Variants in ZNF577 observed in about 807,000 individuals in gnomAD.
The protein encoded by ZNF577 is zinc finger protein 577.
Under a neutral mutation model 13.9 loss-of-function variants are expected in ZNF577, and 14 were observed. The ratio of observed to expected loss-of-function variants is 1.00; its 90% confidence interval spans 0.66 to 1.57. The LOEUF (loss-of-function observed/expected upper bound fraction) is 1.57, where lower values mean the gene tolerates loss of function less well. Among genes scored for constraint, ZNF577 ranks in the 40% most tolerant of loss-of-function variants. ZNF577 has a pLI of 0.00. For synonymous variants in ZNF577, 203 were observed against 202.9 expected (o/e 1.00, Z 0.00); for missense variants, 555 against 579.2 (o/e 0.96, Z 0.43).
At chr19:51,820,977 T>G (rs1315286502) in intron 9 of ZNF577, among the ~76,000 whole-genome samples, 2 of 152,206 alleles carry the variant, frequency 1.3e-5, no homozygotes, top group Non-Finnish European at 2.9e-5. Flanking sequence ...TGTTCATAAG[T>G]AGTAGCCACT....
At chr19:51,839,326 T>C (rs2084306386) in intron 9 of ZNF577, among the ~76,000 whole-genome samples, 1 of 152,132 alleles carries the variant, frequency 6.6e-6, no homozygotes, top group Admixed American at 6.5e-5. Context: ...CCCAGGAGGT[T>C]GAGGCTGCAG....
At chr19:51,809,611 T>C (rs1396508449) in intron 10 of ZNF577, among the ~76,000 whole-genome samples, 1 of 152,248 alleles carries the variant, frequency 6.6e-6, no homozygotes, top group African/African-American at 2.4e-5. Flanking sequence ...TTAAAACTAC[T>C]TGAATTTCTC....
rs1255467228 is a variant in ZNF577 at position 51,887,931 on chromosome 19, G to A, written c.-1329C>T. 1.3e-5 allele frequency: 2 copies of A among 152,248 alleles called. No individual in the cohort carries two copies. 9.4% of individuals were successfully genotyped at this position (152,248 alleles called of 1,614,324 possible). On this transcript the variant is annotated 5_prime_UTR_variant, in exon 1 of 6. Coordinates refer to ENST00000638348, the MANE Select transcript of ZNF577 (RefSeq NM_001370449.1). The stretch of plus-strand genomic sequence containing the variant: ...CGCCCCGCGAACCCCACACACTGCA[G>A]ACGCGACACTCGCAAGTTTCGGGGA...
chr19:51,837,249 C>T (rs1446906646), intron 9 of ZNF577, among the ~76,000 whole-genome samples: 1 of 126,828 alleles, frequency 7.9e-6, no homozygotes, highest in African/African-American at 3.0e-5. Context: ...TTGCTATCAC[C>T]TATGTTGATG....
At chr19:51,805,576 G>A (rs1956538161) in intron 10 of ZNF577, among the ~76,000 whole-genome samples, 1 of 152,162 alleles carries the variant, frequency 6.6e-6, no homozygotes, top group Non-Finnish European at 1.5e-5. Flanking sequence ...CAGCGCAATT[G>A]CCGCTGCAAC....
chr19:51,837,035 C>T (rs1251005619), intron 9 of ZNF577, among the ~76,000 whole-genome samples: 4 of 132,834 alleles, frequency 3.0e-5, no homozygotes, highest in African/African-American at 1.2e-4. Flanking sequence ...CAGAGTGAGA[C>T]TCTGTCTCAA....
downstream of ZNF577, among the ~76,000 whole-genome samples, chr19:51,866,690 A>G (rs1450839281): frequency 6.6e-6 from 1 of 152,206 alleles, no homozygotes; most frequent in African/African-American, 2.4e-5. Context: ...CACCAGAAAC[A>G]TCAGAAACAG....
exon 8 of ZNF577, chr19:51,842,869 C>T (rs573138873): frequency 1.6e-4 from 25 of 152,370 alleles, no homozygotes; most frequent in Admixed American, 2.6e-4. Context: ...CCTTGTTCTT[C>T]TTTCCCCAAC....
intron 5 of ZNF577, among the ~76,000 whole-genome samples, chr19:51,857,979 C>G (rs1479202053): frequency 6.6e-6 from 1 of 152,052 alleles, no homozygotes; most frequent in African/African-American, 2.4e-5. Flanking sequence ...TTGTGTCTGG[C>G]CTGCTTTTAG....
At chr19:51,883,317 G>T (rs1599879119) in intron 1 of ZNF577, among the ~76,000 whole-genome samples, 1 of 151,472 alleles carries the variant, frequency 6.6e-6, no homozygotes, top group Non-Finnish European at 1.5e-5. Flanking sequence ...TAGAGACAAG[G>T]TCTCGCTATG....
downstream of ZNF577, among the ~76,000 whole-genome samples, chr19:51,804,592 C>A (rs1322384526): frequency 6.6e-6 from 1 of 152,046 alleles, no homozygotes; most frequent in African/African-American, 2.4e-5. Flanking sequence ...TGTGCCTTTA[C>A]AACATAGGTA....
At chr19:51,841,855 A>G (rs896944699) in intron 8 of ZNF577, among the ~76,000 whole-genome samples, 2 of 152,214 alleles carry the variant, frequency 1.3e-5, no homozygotes, top group African/African-American at 4.8e-5. Flanking sequence ...TCTGATGCCA[A>G]TCATAAGCTT....
At chr19:51,877,250 T>C (rs1466020085) in intron 5 of ZNF577, 32 bp downstream of exon 5, 1 of 1,583,024 alleles carries the variant, frequency 6.3e-7, no homozygotes, top group Admixed American at 1.7e-5. Context: ...GCATGCCATT[T>C]CTCCCCATTT....
At chr19:51,875,384 AGAG>A (rs1242566233) in intron 5 of ZNF577, among the ~76,000 whole-genome samples, 1 of 149,406 alleles carries the variant, frequency 6.7e-6, no homozygotes, top group Non-Finnish European at 1.5e-5. Flanking sequence ...AAAAAAAAAA[AGAG>A]AGAGCTCCAA....
intron 9 of ZNF577, among the ~76,000 whole-genome samples, chr19:51,819,215 C>A (rs543565142): frequency 6.6e-6 from 1 of 152,070 alleles, no homozygotes; most frequent in Non-Finnish European, 1.5e-5. Context: ...TTAGTTTGGG[C>A]AATGTTGGGT....
Position 51,823,698 on chromosome 19 carries a change from G to A in ZNF577, c.*600-12024C>T, listed in dbSNP as rs755006976. The A allele has an allele frequency of 6.4e-6, 9 of 1,416,892 alleles. No individual in the cohort carries two copies. In the South Asian group the frequency reaches 1.2e-4, roughly 19 times the overall value. The allele number at this position is 1,416,892 out of a possible 1,614,324, so 87.8% of individuals were successfully genotyped here. A position where few individuals can be genotyped will look rare whatever the true frequency, so the allele number is the denominator to read the frequency against. ...TTAATGAATAGTTGTATTGTAAGAT[G>A]GTGTCACAGCTGAGAAATGGCCATT... On this transcript the variant is annotated intron_variant and NMD_transcript_variant, in intron 9 of 10. Transcript: ENST00000638827.
Position 51,824,623 on chromosome 19 carries a change from T to C in ZNF577, c.*600-12949A>G. On this transcript the variant is annotated intron_variant and NMD_transcript_variant, in intron 9 of 10. Transcript: ENST00000638827. This position sits in a 1 kb window ranked among gnomAD's most constrained non-coding sequence, Gnocchi z 4.7. ...ATTAACCCAACAAGCTCCTTGGCCT[T>C]TTTTAACAGCTGCCTCAACCCAATT... is the stretch of plus-strand genomic sequence containing the variant. 4 of 1,614,190 alleles carry C rather than the reference T, an allele frequency of 2.5e-6. No homozygotes were observed. The highest frequency in any genetic ancestry group is 3.4e-6 in the Non-Finnish European group (4 of 1,180,016).
chr19:51,814,981 C>A (rs1453920340), intron 9 of ZNF577, among the ~76,000 whole-genome samples: 1 of 150,210 alleles, frequency 6.7e-6, no homozygotes, highest in East Asian at 2.0e-4. Context: ...GGCTAATTTT[C>A]GTATTTTTAG....
chr19:51,848,945 GA>G (rs11345539), intron 5 of ZNF577, among the ~76,000 whole-genome samples: 5,085 of 152,154 alleles, frequency 0.033, 251 homozygotes, highest in African/African-American at 0.1. Context: ...TAATGAGCTG[GA>G]AAAAAATCAT....
Sources: allele counts gnomAD v4.1 joint callset (sites outside exome capture counted in the v4.1 genomes callset), GRCh38; gene constraint gnomAD v4.1.1; non-coding constraint Gnocchi (gnomAD v3.1); transcripts MANE v1.5; gene names NCBI Gene and HGNC (gene_info 2026-07-23, HGNC 2026-07-21).